The following SLC24A2 variants were observed in gnomAD, a reference collection of about 807,000 sequenced individuals.
The protein encoded by SLC24A2 is sodium/potassium/calcium exchanger 2.
Under a neutral mutation model 62.0 loss-of-function variants are expected in SLC24A2, and 36 were observed. That is an observed-to-expected ratio of 0.58 (90% CI 0.44 to 0.77). SLC24A2 has a LOEUF of 0.77. Among genes scored for constraint, SLC24A2 ranks in the 30% least tolerant of loss-of-function variants. The pLI is 0.00. For missense variants in SLC24A2, 846 were observed against 817.9 expected (o/e 1.03, Z -0.42); for synonymous variants, 358 against 294.0 (o/e 1.22, Z -2.23).
At chr9:20,067,722 C>T in the SLC24A2 span, among the ~76,000 whole-genome samples, 68,317 of 151,854 alleles carry the variant, frequency 0.45, 16,044 homozygotes, top group East Asian at 0.72. Flanking sequence ...CATTACATTC[C>T]TTTTTATGGC....
the SLC24A2 span, among the ~76,000 whole-genome samples, chr9:20,305,349 A>T: frequency 2.6e-5 from 4 of 151,510 alleles, no homozygotes; most frequent in South Asian, 6.3e-4. Flanking sequence ...CTCATGATCG[A>T]CCCCCTCGGC....
At chr9:20,058,455 C>G in the SLC24A2 span, among the ~76,000 whole-genome samples, 4 of 151,230 alleles carry the variant, frequency 2.6e-5, no homozygotes, top group Admixed American at 1.3e-4. Context: ...TATCTGGAGG[C>G]TCAAAGTATG....
intron 5 of SLC24A2, among the ~76,000 whole-genome samples, chr9:19,594,585 G>T (rs1264955365): frequency 6.6e-6 from 1 of 152,080 alleles, no homozygotes; most frequent in Non-Finnish European, 1.5e-5. Flanking sequence ...TTATAAATAA[G>T]GACTTGTCAC....
the SLC24A2 span, among the ~76,000 whole-genome samples, chr9:19,888,171 G>C: frequency 6.6e-6 from 1 of 152,146 alleles, no homozygotes; most frequent in Non-Finnish European, 1.5e-5. Context: ...TTAGTGGGCT[G>C]TTCACCTAGT....
At chr9:19,965,426 A>T in the SLC24A2 span, among the ~76,000 whole-genome samples, 1 of 152,198 alleles carries the variant, frequency 6.6e-6, no homozygotes, top group African/African-American at 2.4e-5. Flanking sequence ...CTATTTGCCA[A>T]CTAGTACAGA....
the SLC24A2 span, among the ~76,000 whole-genome samples, chr9:20,191,902 G>C: frequency 6.6e-6 from 1 of 152,116 alleles, no homozygotes; most frequent in Non-Finnish European, 1.5e-5. Flanking sequence ...TTTATGAACA[G>C]TTCAAACATA....
intron 2 of SLC24A2, among the ~76,000 whole-genome samples, chr9:19,776,092 C>T (rs1042246271): frequency 7.2e-5 from 11 of 152,120 alleles, no homozygotes; most frequent in African/African-American, 2.7e-4. Flanking sequence ...TGTGTGCATG[C>T]ATGTGCACAT....
chr9:19,799,813 G>A, the SLC24A2 span, among the ~76,000 whole-genome samples: 14 of 152,056 alleles, frequency 9.2e-5, no homozygotes, highest in South Asian at 2.9e-3. Context: ...ATCATACTCT[G>A]TTTTTTTAAT....
chr9:19,786,596 T>C lies in SLC24A2; in HGVS notation c.271A>G (p.Asn91Asp). The C allele has an allele frequency of 6.2e-7, 1 of 1,614,150 alleles. No individual in the cohort carries two copies. The highest frequency in any genetic ancestry group is 8.5e-7 in the Non-Finnish European group (1 of 1,180,028). ...GGAGTATAATCCAGAATCTTGTCATTTAAATCTAAGAGAGTTCTCTGATGG... is the reference window on the plus strand; with the variant it reads ...GGAGTATAATCCAGAATCTTGTCATCTAAATCTAAGAGAGTTCTCTGATGG... ...GYHQRTLLDL[N>D]DKILDYTPQP... is the part of the protein sequence containing the mutation. Residue 91 changes from asparagine to aspartate, a missense_variant, in exon 2 of 11, where the codon AAT (asparagine) becomes GAT (aspartate). Transcript: ENST00000341998. The surrounding 1 kb of genome is among the most constrained non-coding windows in gnomAD (Gnocchi z 5.0).
chr9:19,842,807 A>T, the SLC24A2 span, among the ~76,000 whole-genome samples: 1 of 152,308 alleles, frequency 6.6e-6, no homozygotes, highest in South Asian at 2.1e-4. Context: ...AAAATTTCTG[A>T]TATCTCTCCA....
intron 2 of SLC24A2, among the ~76,000 whole-genome samples, chr9:19,760,183 G>A (rs906055056): frequency 4.6e-5 from 7 of 151,004 alleles, no homozygotes; most frequent in Admixed American, 2.0e-4. Flanking sequence ...GCAATCACTC[G>A]GCTCCCTCCT....
chr9:19,593,203 G>T (rs1836607851), intron 5 of SLC24A2, among the ~76,000 whole-genome samples: 2 of 152,200 alleles, frequency 1.3e-5, no homozygotes, highest in African/African-American at 4.8e-5. Context: ...GGCTGTTCCA[G>T]CACCTAGGGT....
the SLC24A2 span, among the ~76,000 whole-genome samples, chr9:20,260,774 C>T: frequency 0.18 from 26,642 of 150,894 alleles, 3,376 homozygotes; most frequent in East Asian, 0.55. Context: ...ACACTGTACC[C>T]AATGTGTAGT....
chr9:19,549,339 T>C (rs1465930776), intron 8 of SLC24A2, among the ~76,000 whole-genome samples: 1 of 152,204 alleles, frequency 6.6e-6, no homozygotes, highest in Non-Finnish European at 1.5e-5. Context: ...AGTGATATGC[T>C]ATATGACACT....
chr9:20,194,087 T>C, the SLC24A2 span, among the ~76,000 whole-genome samples: 293 of 152,198 alleles, frequency 1.9e-3, 3 homozygotes, highest in East Asian at 0.042. Flanking sequence ...CTGGGTTTTT[T>C]TTTGGGAAAA....
chr9:20,306,155 G>A, the SLC24A2 span, among the ~76,000 whole-genome samples: 2 of 152,186 alleles, frequency 1.3e-5, no homozygotes, highest in African/African-American at 4.8e-5. Flanking sequence ...AGCACTGGGT[G>A]AGCCAGGATT....
the SLC24A2 span, among the ~76,000 whole-genome samples, chr9:19,989,420 G>A: frequency 6.6e-6 from 1 of 152,098 alleles, no homozygotes; most frequent in Non-Finnish European, 1.5e-5. Context: ...AAAAACATGA[G>A]TGCACTACTA....
At chr9:19,553,903 A>C (rs1286400176) in intron 7 of SLC24A2, among the ~76,000 whole-genome samples, 1 of 152,300 alleles carries the variant, frequency 6.6e-6, no homozygotes, top group East Asian at 1.9e-4. Context: ...TCCCGTATCT[A>C]TTCTGCCTAT....
At chr9:19,591,362 T>A (rs962608204) in intron 5 of SLC24A2, among the ~76,000 whole-genome samples, 5 of 152,202 alleles carry the variant, frequency 3.3e-5, no homozygotes, top group African/African-American at 1.2e-4. Context: ...AAGTGAGATG[T>A]CCCTGTTGAG....
Sources: allele counts gnomAD v4.1 joint callset (sites outside exome capture counted in the v4.1 genomes callset), GRCh38; gene constraint gnomAD v4.1.1; non-coding constraint Gnocchi (gnomAD v3.1); transcripts MANE v1.5; gene names NCBI Gene and HGNC (gene_info 2026-07-23, HGNC 2026-07-21).